The following RBMS3 variants were observed in gnomAD, a reference collection of about 807,000 sequenced individuals.
The protein encoded by RBMS3 is RNA-binding motif, single-stranded-interacting protein 3.
A neutral mutation model predicts 66.8 loss-of-function variants in RBMS3; 27 were observed. The observed-to-expected ratio is 0.40, with a 90% confidence interval of 0.30 to 0.56. The LOEUF (loss-of-function observed/expected upper bound fraction) is 0.56, where lower values mean the gene tolerates loss of function less well. RBMS3 is among the 20% of genes least tolerant of loss of function. RBMS3 has a pLI of 0.40. For synonymous variants in RBMS3, 188 were observed against 183.0 expected (o/e 1.03, Z -0.22); for missense variants, 513 against 549.5 (o/e 0.93, Z 0.66).
At chr3:29,722,564 G>A (rs1306916783) in intron 4 of RBMS3, among the ~76,000 whole-genome samples, 1 of 152,026 alleles carries the variant, frequency 6.6e-6, no homozygotes, top group East Asian at 1.9e-4. Context: ...TTTTTTAGGG[G>A]AGGGTTTGGG....
chr3:29,951,215 A>C (rs1360583920), intron 12 of RBMS3, among the ~76,000 whole-genome samples: 1 of 151,912 alleles, frequency 6.6e-6, no homozygotes, highest in African/African-American at 2.4e-5. Flanking sequence ...TGTGCTAAAC[A>C]TCTTAGGAGA....
intron 2 of RBMS3, among the ~76,000 whole-genome samples, chr3:29,444,787 C>CATTTTTTTTTTTTTTTTTTTTTT (rs2041757806): frequency 3.7e-5 from 1 of 27,066 alleles, no homozygotes; most frequent in Non-Finnish European, 1.0e-4. Context: ...GAAATATATG[C>CATTTTTTTTTTTTTTTTTTTTTT]CTTTTTTTTT....
intron 6 of RBMS3, among the ~76,000 whole-genome samples, chr3:29,795,417 C>A (rs975471145): frequency 3.9e-5 from 6 of 152,180 alleles, no homozygotes; most frequent in African/African-American, 1.2e-4. Context: ...ACTAGCAAGA[C>A]AAAATACAGC....
chr3:29,906,495 T>C (rs1234424941), intron 10 of RBMS3, among the ~76,000 whole-genome samples: 4 of 152,002 alleles, frequency 2.6e-5, no homozygotes, highest in African/African-American at 9.7e-5. Flanking sequence ...AATCCATTCA[T>C]GAGGACACAA....
At chr3:29,808,774 A>G (rs544190697) in intron 6 of RBMS3, among the ~76,000 whole-genome samples, 86 of 152,090 alleles carry the variant, frequency 5.7e-4, no homozygotes, top group Non-Finnish European at 7.4e-4. Context: ...TATAAATTAT[A>G]AAGAGACAAA....
chr3:29,697,013 A>G lies in RBMS3; in HGVS notation c.400-42707A>G, dbSNP rs528037538. 4.0e-5 allele frequency: 39 copies of G among 985,320 alleles called. No homozygotes were observed. In the African/African-American group the frequency reaches 6.8e-4, roughly 17 times the overall value. The allele number at this position is 985,320 out of a possible 1,614,324, so 61.0% of individuals were successfully genotyped here. ...CTCCAAAACTTCTAACTTGCTACAA[A>G]GGAGGACAACAGAGATTATCCAGCC... On this transcript the variant is annotated intron_variant, in intron 4 of 14. Coordinates refer to ENST00000383767, the MANE Select transcript of RBMS3 (RefSeq NM_001003793.3).
intron 3 of RBMS3, among the ~76,000 whole-genome samples, chr3:29,534,276 T>C (rs1050965245): frequency 6.6e-6 from 1 of 152,198 alleles, no homozygotes; most frequent in Non-Finnish European, 1.5e-5. Context: ...ACTCAATCAG[T>C]TATCCTTAAA....
At chr3:29,404,207 A>G (rs185723723) in intron 1 of RBMS3, among the ~76,000 whole-genome samples, 125 of 152,260 alleles carry the variant, frequency 8.2e-4, no homozygotes, top group Middle Eastern at 3.4e-3. Context: ...AGTTTCTATA[A>G]TTGATCTTAC....
intron 7 of RBMS3, among the ~76,000 whole-genome samples, chr3:29,875,153 G>T (rs893452357): frequency 2.0e-5 from 3 of 152,120 alleles, no homozygotes; most frequent in Non-Finnish European, 4.4e-5. Flanking sequence ...CTACCAACTG[G>T]GAGATTTCTG....
At chr3:29,667,041 A>G (rs2050794197) in intron 4 of RBMS3, among the ~76,000 whole-genome samples, 1 of 152,224 alleles carries the variant, frequency 6.6e-6, no homozygotes, top group South Asian at 2.1e-4. Flanking sequence ...TTATCTAAAA[A>G]TGTAAATTAA....
intron 2 of RBMS3, among the ~76,000 whole-genome samples, chr3:29,465,033 A>G (rs1301509954): frequency 1.3e-5 from 2 of 152,232 alleles, no homozygotes; most frequent in East Asian, 3.8e-4. Context: ...GTAGTTTAAA[A>G]TACGTAAATG....
chr3:29,650,629 A>G (rs1480608462), intron 4 of RBMS3, among the ~76,000 whole-genome samples: 1 of 152,122 alleles, frequency 6.6e-6, no homozygotes, highest in Admixed American at 6.6e-5. Flanking sequence ...AGATAGGTTC[A>G]TTGTGGCAGC....
At chr3:29,913,466 T>C (rs75830538) in intron 10 of RBMS3, among the ~76,000 whole-genome samples, 2 of 152,088 alleles carry the variant, frequency 1.3e-5, no homozygotes, top group East Asian at 3.9e-4. Flanking sequence ...TTTATATCAC[T>C]TAACATAAGT....
intron 6 of RBMS3, among the ~76,000 whole-genome samples, chr3:29,816,843 G>A (rs1280416119): frequency 6.6e-6 from 1 of 152,088 alleles, no homozygotes; most frequent in African/African-American, 2.4e-5. Context: ...TGTAATTCCA[G>A]CACTTTGGGA....
At chr3:29,370,518 C>T (rs759311260) in intron 1 of RBMS3, among the ~76,000 whole-genome samples, 1 of 152,108 alleles carries the variant, frequency 6.6e-6, no homozygotes, top group African/African-American at 2.4e-5. Context: ...ATATTTAGAC[C>T]AGACCCTTTC....
intron 4 of RBMS3, among the ~76,000 whole-genome samples, chr3:29,603,548 C>T (rs541798220): frequency 1.3e-5 from 2 of 152,100 alleles, no homozygotes; most frequent in Non-Finnish European, 2.9e-5. Context: ...CATCCACTGA[C>T]ACTATATGAT....
At chr3:29,377,323 GTGTC>G (rs1231107016) in intron 1 of RBMS3, among the ~76,000 whole-genome samples, 1 of 152,196 alleles carries the variant, frequency 6.6e-6, no homozygotes, top group African/African-American at 2.4e-5. Flanking sequence ...CAGAGGAAAA[GTGTC>G]TGATTTAACT....
chr3:29,570,466 T>A (rs78165029), intron 3 of RBMS3, among the ~76,000 whole-genome samples: 1 of 152,112 alleles, frequency 6.6e-6, no homozygotes, highest in Admixed American at 6.6e-5. Flanking sequence ...CACCTCCCCC[T>A]CATCCCCTGC....
intron 2 of RBMS3, among the ~76,000 whole-genome samples, chr3:29,468,497 T>G (rs113229074): frequency 6.6e-6 from 1 of 152,074 alleles, no homozygotes; most frequent in East Asian, 1.9e-4. Context: ...TACCGTAACT[T>G]TGTAGGACTG....
Sources: gnomAD v4.1 joint callset for allele counts (sites outside exome capture counted in the v4.1 genomes callset) on GRCh38, gnomAD v4.1.1 for gene constraint, MANE v1.5 for transcripts, NCBI Gene and HGNC (gene_info 2026-07-23, HGNC 2026-07-21) for gene names.